Variants in NCKAP5 observed in about 807,000 individuals in gnomAD.
The protein encoded by NCKAP5 is NCK associated protein 5.
NCKAP5 carries 92 observed loss-of-function variants against 167.0 expected under a neutral mutation model. The ratio of observed to expected loss-of-function variants is 0.55; its 90% CI spans 0.47 to 0.66. The LOEUF is 0.66. Among genes scored for constraint, NCKAP5 ranks in the 30% least tolerant of loss-of-function variants. The pLI is 0.00. For synonymous variants in NCKAP5, 891 were observed against 877.4 expected (o/e 1.02, Z -0.27); for missense variants, 2,378 against 2,315.0 (o/e 1.03, Z -0.56).
intron 19 of NCKAP5, among the ~76,000 whole-genome samples, chr2:132,700,878 G>T (rs1485643448): frequency 6.8e-6 from 1 of 146,442 alleles, no homozygotes; most frequent in Non-Finnish European, 1.5e-5. Context: ...CTGCCTTTCA[G>T]AGAGCTAAGG....
At chr2:133,607,495 T>C in the NCKAP5 span, among the ~76,000 whole-genome samples, 1 of 152,180 alleles carries the variant, frequency 6.6e-6, no homozygotes, top group Non-Finnish European at 1.5e-5. Flanking sequence ...TCTGCATATT[T>C]GCCAAAATCA....
chr2:133,638,955 A>G, the NCKAP5 span, among the ~76,000 whole-genome samples: 1 of 152,192 alleles, frequency 6.6e-6, no homozygotes, highest in Non-Finnish European at 1.5e-5. Context: ...TGTTGCAAGA[A>G]TGTAAGAGGT....
chr2:133,157,527 AAT>A (rs1398424974), intron 5 of NCKAP5, among the ~76,000 whole-genome samples: 4 of 152,194 alleles, frequency 2.6e-5, no homozygotes, highest in African/African-American at 9.6e-5. Context: ...TGTTTTGATT[AAT>A]GGTTTTCACG....
At chr2:133,061,348 G>A (rs959310133) in intron 6 of NCKAP5, among the ~76,000 whole-genome samples, 13 of 152,154 alleles carry the variant, frequency 8.5e-5, no homozygotes, top group African/African-American at 2.4e-4. Flanking sequence ...GCTAGGCACC[G>A]TACTATAGGC....
At chr2:132,992,670 G>C (rs1330141336) in intron 7 of NCKAP5, among the ~76,000 whole-genome samples, 1 of 152,150 alleles carries the variant, frequency 6.6e-6, no homozygotes, top group Non-Finnish European at 1.5e-5. Context: ...TCAGAGCTAG[G>C]AGGACTAAAA....
At chr2:133,271,387 T>C (rs1418906836) in intron 4 of NCKAP5, among the ~76,000 whole-genome samples, 1 of 152,138 alleles carries the variant, frequency 6.6e-6, no homozygotes, top group Non-Finnish European at 1.5e-5. Flanking sequence ...AAAGCTGTAT[T>C]AGACAAGGGA....
chr2:132,999,226 A>C (rs907722535), intron 6 of NCKAP5, among the ~76,000 whole-genome samples: 3 of 152,208 alleles, frequency 2.0e-5, no homozygotes, highest in Non-Finnish European at 4.4e-5. Context: ...GTAATCAATA[A>C]ATTCTTATTA....
intron 6 of NCKAP5, among the ~76,000 whole-genome samples, chr2:133,073,626 T>C (rs1641454216): frequency 1.3e-5 from 2 of 152,018 alleles, no homozygotes; most frequent in Non-Finnish European, 2.9e-5. Context: ...ACAAAAAGAA[T>C]CATCAATTAG....
chr2:133,249,130 C>T (rs559478568), intron 4 of NCKAP5, among the ~76,000 whole-genome samples: 1 of 151,680 alleles, frequency 6.6e-6, no homozygotes, highest in East Asian at 1.9e-4. Flanking sequence ...GGTCTGCATT[C>T]TCATCCAGAA....
chr2:133,247,676 G>A (rs960718186), intron 4 of NCKAP5, among the ~76,000 whole-genome samples: 2 of 152,162 alleles, frequency 1.3e-5, no homozygotes, highest in South Asian at 4.1e-4. Context: ...TAGGAGCAGA[G>A]AAGGCCTTCA....
chr2:133,491,531 G>A lies in NCKAP5; in HGVS notation c.69+25927C>T, dbSNP rs116246163. ...AAAGACAGGAACAGCAGAGGGCAAT[G>A]GGAAAAGACCCTATCTAAAATTCAA... is the stretch of plus-strand genomic sequence containing the variant. On this transcript the variant is annotated intron_variant, in intron 3 of 19. Transcript: ENST00000409261. Among the ~76,000 whole-genome samples the A allele has an allele frequency of 7.1e-3, 1,084 of 152,202 alleles. 9 individuals carry two copies. The highest frequency in any genetic ancestry group is 0.025 in the African/African-American group (1,040 of 41,538).
At chr2:132,896,163 A>C (rs531622212) in intron 8 of NCKAP5, among the ~76,000 whole-genome samples, 6 of 152,202 alleles carry the variant, frequency 3.9e-5, no homozygotes, top group Admixed American at 2.0e-4. Context: ...CAAAAACAAA[A>C]AAACAAAAAC....
chr2:132,725,963 A>G (rs1042661285), intron 18 of NCKAP5, among the ~76,000 whole-genome samples: 2 of 152,132 alleles, frequency 1.3e-5, no homozygotes, highest in East Asian at 1.9e-4. Flanking sequence ...TGTCTACTCA[A>G]TTACCAGAGC....
intron 19 of NCKAP5, among the ~76,000 whole-genome samples, chr2:132,693,916 G>A (rs1265469433): frequency 1.3e-5 from 2 of 151,718 alleles, no homozygotes; most frequent in African/African-American, 4.8e-5. Flanking sequence ...GAGCCACCGC[G>A]CCCAGCCCCT....
In NCKAP5 at chr2:133,556,332, T is replaced by C. The variant is rs1687734419; in HGVS notation, c.-62+2718A>G. 1.3e-5 allele frequency among the ~76,000 whole-genome samples: 2 copies of C among 152,264 alleles called. 1 individual carries two copies. Among genetic ancestry groups the C allele is most frequent in the South Asian group, 4.1e-4 (2 of 4,834 alleles). ...ATCTAATTTATTTAGCCATTTCTAA[T>C]ATGATATGGACTGTAGAATGTTCAC... On this transcript the variant is annotated intron_variant, in intron 2 of 19. Transcript: ENST00000409261.
intron 8 of NCKAP5, among the ~76,000 whole-genome samples, chr2:132,922,580 C>T (rs1695528567): frequency 1.3e-5 from 2 of 152,198 alleles, no homozygotes. Context: ...GCAACCTGTG[C>T]TCCAGCTAAA....
chr2:133,419,933 C>T (rs2151088198), intron 3 of NCKAP5, among the ~76,000 whole-genome samples: 1 of 152,314 alleles, frequency 6.6e-6, no homozygotes, highest in South Asian at 2.1e-4. Context: ...ATTTTACTCA[C>T]TTTTGCATAA....
intron 3 of NCKAP5, among the ~76,000 whole-genome samples, chr2:133,390,256 C>G (rs1342452230): frequency 6.6e-6 from 1 of 152,180 alleles, no homozygotes; most frequent in Non-Finnish European, 1.5e-5. Flanking sequence ...AAGAAAGACT[C>G]CTTCCAGTGT....
intron 9 of NCKAP5, among the ~76,000 whole-genome samples, chr2:132,870,218 C>T (rs753724105): frequency 2.0e-5 from 3 of 152,104 alleles, no homozygotes; most frequent in Non-Finnish European, 4.4e-5. Flanking sequence ...GTTAAGATTT[C>T]TTTTTCATCT....
Sources: gnomAD v4.1 joint callset for allele counts (sites outside exome capture counted in the v4.1 genomes callset) on GRCh38, gnomAD v4.1.1 for gene constraint, MANE v1.5 for transcripts, NCBI Gene and HGNC (gene_info 2026-07-23, HGNC 2026-07-21) for gene names.